DAB1: variants seen among roughly 807,000 people sequenced by gnomAD.
The protein encoded by DAB1 is disabled homolog 1.
In DAB1, 15 loss-of-function variants were observed where a neutral mutation model predicts 64.6. The observed-to-expected ratio is 0.23, with a 90% CI of 0.16 to 0.36. The LOEUF is 0.36. Among genes scored for constraint, DAB1 ranks in the 10% least tolerant of loss-of-function variants. The probability of loss-of-function intolerance (pLI) is 1.00; values close to 1 mark genes in which losing one functional copy is unlikely to be tolerated. For missense variants in DAB1, 596 were observed against 706.7 expected (o/e 0.84, Z 1.78); for synonymous variants, 235 against 251.9 (o/e 0.93, Z 0.64).
At chr1:57,167,100 T>C (rs1416213743) in intron 2 of DAB1, among the ~76,000 whole-genome samples, 1 of 152,150 alleles carries the variant, frequency 6.6e-6, no homozygotes, top group East Asian at 1.9e-4. Flanking sequence ...GTGAGGGAAA[T>C]TGAGGCTGGG....
intron 4 of DAB1, among the ~76,000 whole-genome samples, chr1:57,081,432 T>C (rs1318466552): frequency 6.6e-6 from 1 of 152,088 alleles, no homozygotes; most frequent in Non-Finnish European, 1.5e-5. Context: ...TAAAGGATGA[T>C]AAGAAAAGGA....
At chr1:58,528,084 A>G (rs1646379716) in intron 1 of DAB1, among the ~76,000 whole-genome samples, 1 of 152,264 alleles carries the variant, frequency 6.6e-6, no homozygotes, top group African/African-American at 2.4e-5. Flanking sequence ...CTGAAATAAT[A>G]TAATAAATCT....
chr1:58,108,187 A>G (rs1181964965), intron 5 of DAB1, among the ~76,000 whole-genome samples: 1 of 152,204 alleles, frequency 6.6e-6, no homozygotes, highest in Non-Finnish European at 1.5e-5. Context: ...TTAGTAAAAT[A>G]ATTCTCACTA....
chr1:57,197,406 AT>A (rs1269762372), intron 2 of DAB1, among the ~76,000 whole-genome samples: 1 of 152,052 alleles, frequency 6.6e-6, no homozygotes, highest in Non-Finnish European at 1.5e-5. Context: ...GAAATGCAGC[AT>A]TTTAACTATG....
chr1:57,176,862 T>C (rs1662370313), intron 2 of DAB1, among the ~76,000 whole-genome samples: 1 of 151,262 alleles, frequency 6.6e-6, no homozygotes, highest in African/African-American at 2.4e-5. Context: ...TAATATGAAC[T>C]TTGTCCATGG....
chr1:58,059,279 C>G (rs1434305528), intron 5 of DAB1, among the ~76,000 whole-genome samples: 1 of 152,240 alleles, frequency 6.6e-6, no homozygotes, highest in East Asian at 1.9e-4. Flanking sequence ...CTGCTATACT[C>G]TAGCTGTGTA....
At chr1:57,928,283 T>G (rs1644907568) in intron 5 of DAB1, among the ~76,000 whole-genome samples, 1 of 152,112 alleles carries the variant, frequency 6.6e-6, no homozygotes. Context: ...TTTATTTCTT[T>G]AATAGACTTT....
At chr1:57,683,256 A>G (rs1261433474) in intron 6 of DAB1, among the ~76,000 whole-genome samples, 1 of 152,094 alleles carries the variant, frequency 6.6e-6, no homozygotes, top group Non-Finnish European at 1.5e-5. Flanking sequence ...AACGTGGTCT[A>G]TCTCCCTGCT....
chr1:58,356,276 T>C (rs1395847171), intron 3 of DAB1, among the ~76,000 whole-genome samples: 1 of 152,188 alleles, frequency 6.6e-6, no homozygotes, highest in Non-Finnish European at 1.5e-5. Flanking sequence ...TATTGACCTG[T>C]ATATTATCTA....
chr1:57,062,873 G>A lies in DAB1; in HGVS notation c.723+11C>T. ...CACGGAAACCTGGCAGTGGAGAGGA[G>A]ATGTACTTACACTTACAGGTTGACT... On this transcript the variant is annotated intron_variant, in intron 9 of 14. Transcript: ENST00000371236. The A allele has an allele frequency of 1.2e-6, 2 of 1,611,368 alleles. No homozygotes were observed. Among genetic ancestry groups the A allele is most frequent in the Non-Finnish European group, 1.7e-6 (2 of 1,177,482 alleles).
chr1:58,087,701 T>C (rs1365379638), intron 5 of DAB1, among the ~76,000 whole-genome samples: 2 of 150,368 alleles, frequency 1.3e-5, no homozygotes, highest in Non-Finnish European at 2.9e-5. Flanking sequence ...CAGAACAGCA[T>C]TTACCTGAAA....
At position 57,921,311 on chromosome 1, in the gene DAB1, A is replaced by G. The variant is rs1644804884; in HGVS notation, n.388-37149T>C. ...AAAATATGGAAGAGATTGGAATAGT[A>G]TTTGCCACTTGGGAAGGAAATCAGT... On this transcript the variant is annotated intron_variant and non_coding_transcript_variant, in intron 5 of 20. Coordinates refer to the DAB1 transcript ENST00000485760. Among the ~76,000 whole-genome samples the G allele has an allele frequency of 1.3e-5, 2 of 152,176 alleles. 1 individual carries two copies. Among genetic ancestry groups the G allele is most frequent in the Non-Finnish European group, 2.9e-5 (2 of 68,022 alleles).
intron 4 of DAB1, among the ~76,000 whole-genome samples, chr1:58,327,995 G>A (rs1315024062): frequency 1.3e-5 from 2 of 152,148 alleles, no homozygotes; most frequent in African/African-American, 4.8e-5. Context: ...CCATAGGCCT[G>A]TCCCCTGGCT....
chr1:57,778,606 G>A (rs1649924199), intron 6 of DAB1, among the ~76,000 whole-genome samples: 1 of 152,070 alleles, frequency 6.6e-6, no homozygotes, highest in Non-Finnish European at 1.5e-5. Context: ...AGTTCAGAAT[G>A]TCTTTCAGGA....
chr1:58,485,636 A>G (rs992079972), intron 3 of DAB1, among the ~76,000 whole-genome samples: 2 of 151,826 alleles, frequency 1.3e-5, no homozygotes, highest in Non-Finnish European at 1.5e-5. Context: ...TTCATTTTAT[A>G]TATTTCAGGG....
intron 1 of DAB1, among the ~76,000 whole-genome samples, chr1:57,313,403 T>C (rs974472340): frequency 6.6e-6 from 1 of 152,236 alleles, no homozygotes; most frequent in African/African-American, 2.4e-5. Context: ...ACAGTGTTGG[T>C]ATTATGACAA....
intron 5 of DAB1, among the ~76,000 whole-genome samples, chr1:57,996,743 T>C (rs1646431205): frequency 6.6e-6 from 1 of 152,224 alleles, no homozygotes; most frequent in Non-Finnish European, 1.5e-5. Context: ...TCTTATCAAA[T>C]GTTGGGACAA....
At chr1:57,808,201 A>G (rs1041832589) in intron 6 of DAB1, among the ~76,000 whole-genome samples, 2 of 147,554 alleles carry the variant, frequency 1.4e-5, no homozygotes, top group Admixed American at 1.3e-4. Context: ...GCACATGCAC[A>G]CACACACACA....
rs78591798 is a variant in DAB1, at chr1:57,473,159, T to C, written n.625+176433A>G. Among the ~76,000 whole-genome samples, 63 of 152,344 alleles carry C rather than the reference T, an allele frequency of 4.1e-4. No individual in the cohort carries two copies. The East Asian group carries it at 0.011, about 27-fold the overall frequency. ...TCAAGAGCCAGTAGTCAGACAGACC[T>C]AGGTTCAAATCCCAATCTACTGAAA... is the stretch of plus-strand genomic sequence containing the variant. On this transcript the variant is annotated intron_variant and non_coding_transcript_variant, in intron 7 of 20. Transcript: ENST00000485760.
Sources: allele counts gnomAD v4.1 joint callset (sites outside exome capture counted in the v4.1 genomes callset), GRCh38; gene constraint gnomAD v4.1.1; transcripts MANE v1.5; gene names NCBI Gene and HGNC (gene_info 2026-07-23, HGNC 2026-07-21).